Variants in NAALADL2 observed in about 807,000 individuals in gnomAD.
NAALADL2 encodes inactive N-acetylated-alpha-linked acidic dipeptidase-like protein 2.
A neutral mutation model predicts 87.2 loss-of-function variants in NAALADL2; 76 were observed. That is an observed-to-expected ratio of 0.87 (90% confidence interval 0.72 to 1.05). NAALADL2 has a LOEUF of 1.05. Among genes scored for constraint, NAALADL2 ranks in the 50% least tolerant of loss-of-function variants. NAALADL2 has a pLI of 0.00. For synonymous variants in NAALADL2, 354 were observed against 331.0 expected (o/e 1.07, Z -0.75); for missense variants, 1,089 against 945.8 (o/e 1.15, Z -1.99).
intron 5 of NAALADL2, among the ~76,000 whole-genome samples, chr3:175,344,161 G>T (rs1395137191): frequency 1.3e-5 from 2 of 152,094 alleles, no homozygotes; most frequent in Non-Finnish European, 2.9e-5. Flanking sequence ...AAGTGTTTAT[G>T]TGTTGGCATC....
intron 3 of NAALADL2, among the ~76,000 whole-genome samples, chr3:174,803,613 T>G (rs1719103039): frequency 6.6e-6 from 1 of 152,210 alleles, no homozygotes; most frequent in Non-Finnish European, 1.5e-5. Context: ...GTCTTACATT[T>G]AAGTCTTTAA....
chr3:175,614,069 C>A (rs928120741), intron 10 of NAALADL2, among the ~76,000 whole-genome samples: 1 of 151,992 alleles, frequency 6.6e-6, no homozygotes, highest in African/African-American at 2.4e-5. Context: ...TTTCTTTTTC[C>A]CAAGACGGAG....
chr3:175,347,274 G>A (rs1763256379), intron 5 of NAALADL2, among the ~76,000 whole-genome samples: 2 of 152,048 alleles, frequency 1.3e-5, no homozygotes, highest in African/African-American at 4.8e-5. Context: ...CTTTCCAATT[G>A]GCTAGCCCAG....
intron 1 of NAALADL2, among the ~76,000 whole-genome samples, chr3:174,460,764 AAC>A (rs1271112345): frequency 6.6e-6 from 1 of 152,022 alleles, no homozygotes; most frequent in African/African-American, 2.4e-5. Context: ...TCTGTTGTTG[AAC>A]ACTTGTTTGC....
chr3:175,658,297 T>C (rs905449078), intron 11 of NAALADL2, among the ~76,000 whole-genome samples: 7 of 152,164 alleles, frequency 4.6e-5, no homozygotes, highest in African/African-American at 1.4e-4. Flanking sequence ...GCCGACAATA[T>C]AGTCTTTTCA....
At chr3:174,474,613 A>G (rs1206897154) in intron 1 of NAALADL2, among the ~76,000 whole-genome samples, 1 of 152,134 alleles carries the variant, frequency 6.6e-6, no homozygotes, top group Non-Finnish European at 1.5e-5. Flanking sequence ...TGTTTCTTGT[A>G]AAATTCTCCT....
intron 13 of NAALADL2, among the ~76,000 whole-genome samples, chr3:175,778,282 G>A (rs1931165): frequency 1.9e-3 from 285 of 152,322 alleles, no homozygotes; most frequent in Admixed American, 4.8e-3. Context: ...CACTAGGAAA[G>A]TAGAGTAGTT....
At chr3:175,054,205 C>T (rs1374833472) in intron 1 of NAALADL2, among the ~76,000 whole-genome samples, 1 of 152,184 alleles carries the variant, frequency 6.6e-6, no homozygotes, top group Non-Finnish European at 1.5e-5. Context: ...GAAAACTTTA[C>T]TTTTTAAGCC....
At chr3:175,675,099 G>A (rs146027748) in intron 11 of NAALADL2, 14 of 151,966 alleles carry the variant, frequency 9.2e-5, no homozygotes, top group African/African-American at 3.4e-4. Context: ...ATATTTTATC[G>A]GCAGAAGATA....
At chr3:175,714,383 C>T (rs1030955291) in intron 11 of NAALADL2, among the ~76,000 whole-genome samples, 5 of 152,156 alleles carry the variant, frequency 3.3e-5, no homozygotes, top group Admixed American at 2.0e-4. Flanking sequence ...CACATCCTCT[C>T]CAGCATCTGT....
chr3:175,325,341 T>C (rs1760575190), intron 5 of NAALADL2, among the ~76,000 whole-genome samples: 1 of 152,234 alleles, frequency 6.6e-6, no homozygotes, highest in Admixed American at 6.5e-5. Flanking sequence ...TTCTATATGC[T>C]ACAAAAGTAT....
At chr3:175,003,599 A>T (rs6763842) in intron 1 of NAALADL2, among the ~76,000 whole-genome samples, 14,831 of 152,196 alleles carry the variant, frequency 0.097, 2,171 homozygotes, top group African/African-American at 0.32. Flanking sequence ...TCCATAAGTT[A>T]AATAAGAAAA....
intron 1 of NAALADL2, among the ~76,000 whole-genome samples, chr3:174,520,098 A>G (rs774634827): frequency 8.5e-5 from 13 of 152,340 alleles, no homozygotes; most frequent in Middle Eastern, 6.8e-3. Context: ...TTCCTTGCTC[A>G]TGAATTGGAA....
At chr3:174,454,871 G>T (rs572994851) in intron 1 of NAALADL2, among the ~76,000 whole-genome samples, 2 of 150,910 alleles carry the variant, frequency 1.3e-5, no homozygotes, top group South Asian at 4.2e-4. Flanking sequence ...CAGAAGACAA[G>T]AAATAACCAA....
intron 4 of NAALADL2, among the ~76,000 whole-genome samples, chr3:175,296,510 A>G (rs1296911674): frequency 1.2e-4 from 19 of 152,118 alleles, no homozygotes; most frequent in Non-Finnish European, 1.5e-5. Context: ...AGCCACCATT[A>G]TAGCCCTTTG....
intron 1 of NAALADL2, among the ~76,000 whole-genome samples, chr3:175,034,274 T>C (rs185430789): frequency 1.9e-3 from 291 of 152,260 alleles, no homozygotes; most frequent in Non-Finnish European, 3.2e-3. Flanking sequence ...ACACCAGCCT[T>C]TTATTGTACA....
intron 1 of NAALADL2, among the ~76,000 whole-genome samples, chr3:174,937,934 A>G (rs915818605): frequency 1.3e-5 from 2 of 152,068 alleles, no homozygotes; most frequent in Non-Finnish European, 2.9e-5. Context: ...ATATTTCTTT[A>G]GCATTTAATT....
chr3:175,113,976 C>T (rs1462627125), intron 2 of NAALADL2, among the ~76,000 whole-genome samples: 1 of 151,634 alleles, frequency 6.6e-6, no homozygotes, highest in African/African-American at 2.4e-5. Flanking sequence ...GTGAAAGAGT[C>T]TCACAAAGAA....
chr3:174,817,412 G>A (rs1235305375), intron 3 of NAALADL2, among the ~76,000 whole-genome samples: 1 of 152,028 alleles, frequency 6.6e-6, no homozygotes, highest in East Asian at 1.9e-4. Context: ...GACCACCCTG[G>A]GCAACAGAGT....
Sources: gnomAD v4.1 joint callset for allele counts (sites outside exome capture counted in the v4.1 genomes callset) on GRCh38, gnomAD v4.1.1 for gene constraint, MANE v1.5 for transcripts, NCBI Gene and HGNC (gene_info 2026-07-23, HGNC 2026-07-21) for gene names.